The following ADCY8 variants were observed in gnomAD, a reference collection of about 807,000 sequenced individuals.
ADCY8 encodes adenylate cyclase 8, also known as adenylate cyclase type 8.
ADCY8 carries 51 observed loss-of-function variants against 119.7 expected under a neutral mutation model. The ratio of observed to expected loss-of-function variants is 0.43; its 90% CI spans 0.34 to 0.54. The LOEUF is 0.54. Ranked by LOEUF, ADCY8 falls within the 20% of genes least tolerant of loss-of-function variation. The pLI, the probability that ADCY8 is intolerant of heterozygous loss-of-function variation, is 0.03. For synonymous variants in ADCY8, 665 were observed against 651.0 expected (o/e 1.02, Z -0.33); for missense variants, 1,383 against 1,598.8 (o/e 0.87, Z 2.30).
intron 1 of ADCY8, among the ~76,000 whole-genome samples, chr8:131,035,393 A>T (rs1486858654): frequency 6.6e-6 from 1 of 152,172 alleles, no homozygotes; most frequent in Non-Finnish European, 1.5e-5. Flanking sequence ...TCTAGACAAT[A>T]ATCTCTTTGT....
intron 8 of ADCY8, among the ~76,000 whole-genome samples, chr8:130,870,752 A>G (rs1367997070): frequency 6.6e-6 from 1 of 152,172 alleles, no homozygotes; most frequent in Non-Finnish European, 1.5e-5. Flanking sequence ...ATTTGTCCAG[A>G]CTAAAGTTGC....
chr8:130,923,698 C>T (rs1205753895), intron 5 of ADCY8, among the ~76,000 whole-genome samples: 1 of 152,166 alleles, frequency 6.6e-6, no homozygotes, highest in East Asian at 1.9e-4. Context: ...CCTGGAGCCA[C>T]TTTTCAATCT....
At chr8:130,807,590 C>T (rs911166165) in intron 14 of ADCY8, among the ~76,000 whole-genome samples, 4 of 152,168 alleles carry the variant, frequency 2.6e-5, no homozygotes, top group Non-Finnish European at 1.5e-5. Flanking sequence ...ATCGTGGAAG[C>T]AGAAACAAGG....
chr8:130,793,447 G>A (rs1418188929), intron 15 of ADCY8, among the ~76,000 whole-genome samples: 2 of 152,118 alleles, frequency 1.3e-5, no homozygotes, highest in East Asian at 1.9e-4. Flanking sequence ...TTCCCCCACC[G>A]AATGTATCTC....
chr8:130,890,392 T>C (rs1372573073), intron 7 of ADCY8, among the ~76,000 whole-genome samples: 1 of 152,172 alleles, frequency 6.6e-6, no homozygotes, highest in African/African-American at 2.4e-5. Flanking sequence ...AGATTGTCCC[T>C]AGGGCAGTGT....
intron 1 of ADCY8, among the ~76,000 whole-genome samples, chr8:131,016,234 A>G (rs1277196607): frequency 6.6e-6 from 1 of 152,150 alleles, no homozygotes; most frequent in Non-Finnish European, 1.5e-5. Context: ...TTACAATTTT[A>G]AATAAGAGGC....
chr8:130,965,865 A>G (rs1290809938), intron 2 of ADCY8, among the ~76,000 whole-genome samples: 2 of 152,228 alleles, frequency 1.3e-5, no homozygotes, highest in Non-Finnish European at 2.9e-5. Context: ...AACAGCCCAT[A>G]CAGACTATTT....
chr8:130,875,888 G>A (rs559457561), intron 8 of ADCY8, among the ~76,000 whole-genome samples: 6 of 152,038 alleles, frequency 3.9e-5, no homozygotes, highest in South Asian at 4.1e-4. Flanking sequence ...GCTGCTAACC[G>A]AAAAAAGAAA....
At chr8:130,994,726 C>G (rs371779639) in intron 1 of ADCY8, among the ~76,000 whole-genome samples, 1 of 152,178 alleles carries the variant, frequency 6.6e-6, no homozygotes, top group African/African-American at 2.4e-5. Flanking sequence ...ACATTTTTTA[C>G]TAAACATTAT....
chr8:130,845,139 C>A (rs906720353), intron 11 of ADCY8, among the ~76,000 whole-genome samples: 1 of 152,122 alleles, frequency 6.6e-6, no homozygotes, highest in African/African-American at 2.4e-5. Context: ...GATAAGGAAA[C>A]TGAGGCACTG....
intron 15 of ADCY8, among the ~76,000 whole-genome samples, chr8:130,799,454 A>G (rs1376269676): frequency 6.6e-6 from 1 of 152,190 alleles, no homozygotes. Flanking sequence ...GAATGTAGGG[A>G]TGGAGGGACA....
intron 12 of ADCY8, among the ~76,000 whole-genome samples, chr8:130,833,270 C>A (rs540877352): frequency 1.3e-5 from 2 of 152,148 alleles, no homozygotes; most frequent in African/African-American, 2.4e-5. Flanking sequence ...ATTTACTGGC[C>A]GTGTGAACCT....
intron 8 of ADCY8, among the ~76,000 whole-genome samples, chr8:130,882,994 C>A (rs1041324924): frequency 2.0e-5 from 3 of 152,088 alleles, no homozygotes; most frequent in Non-Finnish European, 4.4e-5. Context: ...TGTCAATGGG[C>A]AAGTCCCATG....
At chr8:130,983,819 C>G (rs1453666555) in intron 2 of ADCY8, among the ~76,000 whole-genome samples, 1 of 152,084 alleles carries the variant, frequency 6.6e-6, no homozygotes, top group Admixed American at 6.5e-5. Flanking sequence ...TCAAATGAAC[C>G]AACTGAGAAA....
chr8:130,813,876 A>G (rs1372247691), intron 14 of ADCY8, among the ~76,000 whole-genome samples, 193 bp downstream of exon 14: 1 of 152,156 alleles, frequency 6.6e-6, no homozygotes, highest in East Asian at 1.9e-4. Flanking sequence ...TGGAGACCTT[A>G]TTATATCCAT....
intron 11 of ADCY8, among the ~76,000 whole-genome samples, chr8:130,843,823 G>C (rs1368084504): frequency 1.3e-5 from 2 of 152,236 alleles, no homozygotes; most frequent in East Asian, 3.9e-4. Context: ...GGATGGAAAG[G>C]ATGTCCTAGA....
At chr8:130,844,383 ACCAAGTTATAC>A (rs955778474) in intron 11 of ADCY8, among the ~76,000 whole-genome samples, 3 of 152,078 alleles carry the variant, frequency 2.0e-5, no homozygotes, top group Non-Finnish European at 4.4e-5. Context: ...CGAATTTAGA[ACCAAGTTATAC>A]TTTATATCAT....
chr8:130,782,899 C>G (rs1023899252), intron 17 of ADCY8, among the ~76,000 whole-genome samples: 9 of 152,288 alleles, frequency 5.9e-5, no homozygotes, highest in Admixed American at 5.2e-4. Flanking sequence ...AGGACCGTAG[C>G]AAAAGTTATT....
At chr8:130,808,248 C>T (rs973122004) in intron 14 of ADCY8, among the ~76,000 whole-genome samples, 13 of 151,972 alleles carry the variant, frequency 8.6e-5, no homozygotes, top group African/African-American at 1.9e-4. Context: ...ACTGTTTTAA[C>T]CCCGGTATTT....
Sources: allele counts gnomAD v4.1 joint callset (sites outside exome capture counted in the v4.1 genomes callset), GRCh38; gene constraint gnomAD v4.1.1; transcripts MANE v1.5; gene names NCBI Gene and HGNC (gene_info 2026-07-23, HGNC 2026-07-21).